MAS1: variants seen among roughly 807,000 people sequenced by gnomAD.
The protein encoded by MAS1 is proto-oncogene Mas.
For missense variants in MAS1, 387 were observed against 409.7 expected (o/e 0.94, Z 0.48); for synonymous variants, 163 against 164.2 (o/e 0.99, Z 0.05).
At chr6:159,902,762 G>A (rs539304400) in intron 2 of MAS1, among the ~76,000 whole-genome samples, 3 of 152,180 alleles carry the variant, frequency 2.0e-5, no homozygotes, top group Non-Finnish European at 4.4e-5. Context: ...AGTGCGTGCC[G>A]GCCACTGTAT....
At chr6:159,906,615 A>T in intron 2 of MAS1, 1 of 216,428 alleles carries the variant, frequency 4.6e-6, no homozygotes, top group Non-Finnish European at 9.2e-6. Context: ...GCACTCGGCC[A>T]CTCTTGCCTG....
intron 2 of MAS1, among the ~76,000 whole-genome samples, chr6:159,900,237 T>C (rs146331603): frequency 5.8e-4 from 89 of 152,286 alleles, no homozygotes; most frequent in African/African-American, 2.1e-3. Context: ...GAAGGCTCAC[T>C]GAGCCAACAC....
At position 159,907,546 on chromosome 6, in the gene MAS1, G is replaced by A; in HGVS notation, c.591G>A (p.Leu197=). Residue 197 remains leucine, a synonymous_variant, in exon 3 of 3, where the codon CTG becomes CTA. Coordinates refer to ENST00000674077, the MANE Select transcript of MAS1 (RefSeq NM_002377.4). ...TCTTTATAGCCATCCTGAGCTTCCTGGTCTTCACGCCCCTCATGCTGGTGT... is the reference window on the plus strand; with the variant it reads ...TCTTTATAGCCATCCTGAGCTTCCTAGTCTTCACGCCCCTCATGCTGGTGT... ...VIIFIAILSF[L]VFTPLMLVSS... 6.2e-7 allele frequency: 1 copy of A among 1,613,938 alleles called. No homozygotes were observed. Among genetic ancestry groups the A allele is most frequent in the Non-Finnish European group, 8.5e-7 (1 of 1,180,000 alleles).
At chr6:159,889,092 G>T (rs918351426), upstream of MAS1, among the ~76,000 whole-genome samples, 1 of 152,218 alleles carries the variant, frequency 6.6e-6, no homozygotes, top group East Asian at 1.9e-4. Context: ...TGACTCTCCC[G>T]GCCGGCCACC....
upstream of MAS1, among the ~76,000 whole-genome samples, chr6:159,889,358 T>G (rs1032762355): frequency 6.6e-6 from 1 of 152,194 alleles, no homozygotes. Flanking sequence ...ACAGCACCCA[T>G]GGGGACAGGG....
chr6:159,913,634 T>C lies in MAS1; in HGVS notation c.*5701T>C, dbSNP rs1462493109. 6.6e-6 allele frequency: 1 copy of C among 152,162 alleles called. No individual in the cohort carries two copies. Among genetic ancestry groups the C allele is most frequent in the Non-Finnish European group, 1.5e-5 (1 of 68,028 alleles). The allele number at this position is 152,162 out of a possible 1,614,324, so 9.4% of individuals were successfully genotyped here. A position where few individuals can be genotyped will look rare whatever the true frequency, so the allele number is the denominator to read the frequency against. ...CCTACACAAGGCCCTTTGATGTGGT[T>C]TGGGTTTCTTACAACATGGTGATTG... On this transcript the variant is annotated 3_prime_UTR_variant, in exon 3 of 3. Transcript: ENST00000674077.
chr6:159,904,606 C>T (rs1372989369), intron 2 of MAS1, among the ~76,000 whole-genome samples: 1 of 152,236 alleles, frequency 6.6e-6, no homozygotes, highest in African/African-American at 2.4e-5. Context: ...CTGACCTCCT[C>T]CTTCCTGCCA....
rs1782984056 is a variant in MAS1, at chr6:159,913,142, C to T, written c.*5209C>T. ...CTTTGGGAGGCTGAGGTGAGCAGAT[C>T]ACCTGAGGTCAGGAGTTTGAGACCA... On this transcript the variant is annotated 3_prime_UTR_variant, in exon 3 of 3. Transcript: ENST00000674077. 1 of 152,126 alleles carries T rather than the reference C, an allele frequency of 6.6e-6. No individual in the cohort carries two copies. Among genetic ancestry groups the T allele is most frequent in the African/African-American group, 2.4e-5 (1 of 41,426 alleles). 9.4% of individuals were successfully genotyped at this position (152,126 alleles called of 1,614,324 possible).
upstream of MAS1, among the ~76,000 whole-genome samples, chr6:159,889,846 C>G (rs566581527): frequency 1.7e-3 from 253 of 152,246 alleles, no homozygotes; most frequent in African/African-American, 5.8e-3. Context: ...CTGGGAGGGC[C>G]GAGCTGCTGG....
rs28656259 is a variant in MAS1, at chr6:159,912,212, T to A, written c.*4279T>A. On this transcript the variant is annotated 3_prime_UTR_variant, in exon 3 of 3. Transcript: ENST00000674077. The stretch of plus-strand genomic sequence containing the variant: ...CTCCAGTGACTGATGGAGATGGAGA[T>A]GGGATCGTTGGCTGCCTTCATGGAG... 1 of 152,376 alleles carries A rather than the reference T, an allele frequency of 6.6e-6. No individual in the cohort carries two copies. The highest frequency in any genetic ancestry group is 6.5e-5 in the Admixed American group (1 of 15,296). The allele number at this position is 152,376 out of a possible 1,614,324, so 9.4% of individuals were successfully genotyped here.
Position 159,909,127 on chromosome 6 carries a change from G to T in MAS1, c.*1194G>T, listed in dbSNP as rs1021548807. On this transcript the variant is annotated 3_prime_UTR_variant, in exon 3 of 3. Coordinates refer to ENST00000674077, the MANE Select transcript of MAS1 (RefSeq NM_002377.4). ...ATCTTTACTCAGCACTCCAGGGGGG[G>T]CTCTGCCTCTTGCCTGCCATGAGTT... The T allele has an allele frequency of 2.0e-5, 3 of 152,142 alleles. No homozygotes were observed. Among genetic ancestry groups the T allele is most frequent in the African/African-American group, 7.2e-5 (3 of 41,412 alleles). 9.4% of individuals were successfully genotyped at this position (152,142 alleles called of 1,614,324 possible). A position where few individuals can be genotyped will look rare whatever the true frequency, so the allele number is the denominator to read the frequency against.
At chr6:159,903,759 A>G (rs1446013535) in intron 2 of MAS1, among the ~76,000 whole-genome samples, 1 of 152,064 alleles carries the variant, frequency 6.6e-6, no homozygotes, top group Admixed American at 6.5e-5. Context: ...CTAGACCCCT[A>G]CTTCCTGACT....
Position 159,909,161 on chromosome 6 carries a change from G to A in MAS1, c.*1228G>A, listed in dbSNP as rs569447802. 3.0e-4 allele frequency: 46 copies of A among 152,262 alleles called. 1 individual carries two copies. The highest frequency in any genetic ancestry group is 1.0e-3 in the African/African-American group (43 of 41,550). The allele number at this position is 152,262 out of a possible 1,614,324, so 9.4% of individuals were successfully genotyped here. A position where few individuals can be genotyped will look rare whatever the true frequency, so the allele number is the denominator to read the frequency against. On this transcript the variant is annotated 3_prime_UTR_variant, in exon 3 of 3. Transcript: ENST00000674077. Reference sequence around the variant, plus strand: ...CTTGCCTGCCATGAGTTGCCCTCCAGACACTGCACGTCCTGGGTTTTAGCT... The same window carrying A: ...CTTGCCTGCCATGAGTTGCCCTCCAAACACTGCACGTCCTGGGTTTTAGCT...
intron 1 of MAS1, among the ~76,000 whole-genome samples, chr6:159,893,327 G>T (rs1021565950): frequency 1.3e-5 from 2 of 152,208 alleles, no homozygotes; most frequent in African/African-American, 4.8e-5. Flanking sequence ...CTGCATGGGG[G>T]GTACAGGGAA....
chr6:159,903,572 T>C (rs148143734), intron 2 of MAS1, among the ~76,000 whole-genome samples: 649 of 152,276 alleles, frequency 4.3e-3, no homozygotes, highest in Non-Finnish European at 6.9e-3. Flanking sequence ...TCTTAGCTGA[T>C]GACCTTGCTC....
Position 159,908,223 on chromosome 6 carries a change from A to G in MAS1, c.*290A>G, listed in dbSNP as rs1450086392. The G allele has an allele frequency of 4.2e-6, 1 of 235,406 alleles. No individual in the cohort carries two copies. The highest frequency in any genetic ancestry group is 2.2e-5 in the African/African-American group (1 of 44,514). 14.6% of individuals were successfully genotyped at this position (235,406 alleles called of 1,614,324 possible). A position where few individuals can be genotyped will look rare whatever the true frequency, so the allele number is the denominator to read the frequency against. On this transcript the variant is annotated 3_prime_UTR_variant, in exon 3 of 3. Coordinates refer to ENST00000674077, the MANE Select transcript of MAS1 (RefSeq NM_002377.4). ...AAGATTTACAGATGTGTACGGGACA[A>G]GGTAACAAAACTATTTGTTGGAACT...
In MAS1 at chr6:159,917,250, A is replaced by G. The variant is rs1783038597; in HGVS notation, c.*9317A>G. On this transcript the variant is annotated 3_prime_UTR_variant, in exon 3 of 3. Coordinates refer to ENST00000674077, the MANE Select transcript of MAS1 (RefSeq NM_002377.4). ...GGATGAGATTGGTGTAAAGTGGAGAAATTCTGTTTTGGATTAATCACAAGG... is the reference window on the plus strand; with the variant it reads ...GGATGAGATTGGTGTAAAGTGGAGAGATTCTGTTTTGGATTAATCACAAGG... Among the ~76,000 whole-genome samples the G allele has an allele frequency of 6.6e-6, 1 of 152,228 alleles. No individual in the cohort carries two copies. Among genetic ancestry groups the G allele is most frequent in the East Asian group, 1.9e-4 (1 of 5,202 alleles).
chr6:159,896,806 C>T (rs1483886907), intron 1 of MAS1, among the ~76,000 whole-genome samples: 1 of 152,110 alleles, frequency 6.6e-6, no homozygotes, highest in Non-Finnish European at 1.5e-5. Context: ...AAACTAGAGA[C>T]CAGAGTTTTA....
intron 1 of MAS1, among the ~76,000 whole-genome samples, chr6:159,898,978 C>T (rs1782793624): frequency 6.6e-6 from 1 of 152,154 alleles, no homozygotes; most frequent in Admixed American, 6.5e-5. Flanking sequence ...TTGGTAGGCC[C>T]TTGGGCTGTG....
Sources: allele counts gnomAD v4.1 joint callset (sites outside exome capture counted in the v4.1 genomes callset), GRCh38; gene constraint gnomAD v4.1.1; transcripts MANE v1.5; gene names NCBI Gene and HGNC (gene_info 2026-07-23, HGNC 2026-07-21).